Variants in MTMR1 observed in about 807,000 individuals in gnomAD.
MTMR1 encodes the protein myotubularin related protein 1.
In MTMR1, 17 loss-of-function variants were observed where a neutral mutation model predicts 51.6. That is an observed-to-expected ratio of 0.33 (90% confidence interval 0.23 to 0.49). The LOEUF is 0.49. Ranked by LOEUF, MTMR1 falls within the 20% of genes least tolerant of loss-of-function variation. The probability of loss-of-function intolerance (pLI) is 0.99; values close to 1 mark genes in which losing one functional copy is unlikely to be tolerated. For synonymous variants in MTMR1, 201 were observed against 205.6 expected, an observed-to-expected ratio of 0.98 and a Z score of 0.19; for missense variants, 386 against 526.9, an observed-to-expected ratio of 0.73 and a Z score of 2.62.
chrX:150,736,507 C>T lies in MTMR1; in HGVS notation c.1081-88C>T, dbSNP rs1192652445. 4 of 889,982 alleles carry T rather than the reference C, an allele frequency of 4.5e-6. No homozygotes were observed. In the African/African-American group the frequency reaches 6.0e-5, roughly 13 times the overall value. 73.3% of individuals were successfully genotyped at this position (889,982 alleles called of 1,213,427 possible). ...GGTTTATTTGCAGATGAGTTTGTTG[C>T]TTCTTTAGTGGTCTGTATCTCATAG... On this transcript the variant is annotated intron_variant, in intron 10 of 15. Transcript: ENST00000445323.
At chrX:150,718,274 G>T (rs782314630) in intron 3 of MTMR1, among the ~76,000 whole-genome samples, 2 of 112,569 alleles carry the variant, frequency 1.8e-5, no homozygotes, top group African/African-American at 6.5e-5. Flanking sequence ...ATGCTCAGAA[G>T]GTAACCTTTT....
chrX:150,727,104 C>A, intron 4 of MTMR1, 111 bp from the exon 5 acceptor site: 3 of 470,517 alleles, frequency 6.4e-6, no homozygotes, highest in East Asian at 3.6e-5. Flanking sequence ...CTATAAAATA[C>A]AAAATTCCTG....
intron 13 of MTMR1, among the ~76,000 whole-genome samples, chrX:150,744,891 C>T (rs1481471239): frequency 8.9e-6 from 1 of 112,247 alleles, no homozygotes; most frequent in African/African-American, 3.2e-5. Flanking sequence ...GAGCCTCTCC[C>T]ACCCAAGGTC....
intron 12 of MTMR1, among the ~76,000 whole-genome samples, chrX:150,738,091 G>T (rs142915531): frequency 0.018 from 2,001 of 111,152 alleles, 16 homozygotes; most frequent in Middle Eastern, 0.084. Flanking sequence ...AACAAAAACC[G>T]TACTCTTCAC....
At position 150,739,276 on chromosome X, in the gene MTMR1, GT is replaced by G. The variant is rs782221941; in HGVS notation, c.1473+1829del. ...CCCTCCTCTCTGAAATGGGGGCATT[GT>G]GTGGGAGAAATGAGTTTATATGTGT... is the stretch of plus-strand genomic sequence containing the variant. On this transcript the variant is annotated intron_variant, in intron 12 of 15. Transcript: ENST00000445323. Among the ~76,000 whole-genome samples, 509 of 113,008 alleles carry G rather than the reference GT, an allele frequency of 4.5e-3. 4 individuals are homozygous for G. The highest frequency in any genetic ancestry group is 0.015 in the African/African-American group (469 of 31,156).
intron 15 of MTMR1, among the ~76,000 whole-genome samples, chrX:150,758,527 C>G (rs999157840): frequency 1.8e-5 from 2 of 112,118 alleles, no homozygotes; most frequent in Non-Finnish European, 3.8e-5. Context: ...GGCACAGTAA[C>G]TTACGCCTGT....
intron 1 of MTMR1, among the ~76,000 whole-genome samples, chrX:150,696,937 A>G (rs868910773): frequency 4.5e-5 from 5 of 111,646 alleles, no homozygotes; most frequent in Middle Eastern, 4.6e-3. Flanking sequence ...TCCCCCACAG[A>G]AGCCTGTGTT....
At chrX:150,753,518 T>C (rs1557417658) in intron 14 of MTMR1, among the ~76,000 whole-genome samples, 4 of 112,197 alleles carry the variant, frequency 3.6e-5, no homozygotes. Flanking sequence ...TCCTAGTGAG[T>C]GGGAAGTGGT....
At chrX:150,743,387 C>T (rs2042488998) in intron 12 of MTMR1, among the ~76,000 whole-genome samples, 2 of 111,125 alleles carry the variant, frequency 1.8e-5, no homozygotes, top group African/African-American at 3.3e-5. Flanking sequence ...GGTGACAGAG[C>T]GAGGCCCTGT....
chrX:150,737,507 C>G, intron 12 of MTMR1, 59 bp downstream of exon 12: 1 of 1,022,034 alleles, frequency 9.8e-7, no homozygotes, highest in East Asian at 3.1e-5. Context: ...TGGATGTAAA[C>G]GTCATGTGTG....
intron 15 of MTMR1, among the ~76,000 whole-genome samples, chrX:150,756,643 T>C (rs2042911724): frequency 9.0e-6 from 1 of 111,633 alleles, no homozygotes; most frequent in South Asian, 3.8e-4. Flanking sequence ...TGCTGAGACT[T>C]TTTTCTTTTT....
chrX:150,737,168 G>A, intron 11 of MTMR1, 74 bp from the exon 12 acceptor site: 6 of 1,032,270 alleles, frequency 5.8e-6, no homozygotes, highest in Non-Finnish European at 8.0e-6. Flanking sequence ...GCTCTCCCCA[G>A]AATTATTTTA....
intron 15 of MTMR1, among the ~76,000 whole-genome samples, chrX:150,758,432 C>G (rs1040780150): frequency 1.8e-5 from 2 of 112,442 alleles, no homozygotes; most frequent in Non-Finnish European, 3.8e-5. Flanking sequence ...TCCCCACGCC[C>G]TCTGCCACTT....
At chrX:150,742,834 A>AAAAAAAAAG (rs1557417357) in intron 12 of MTMR1, among the ~76,000 whole-genome samples, 6 of 101,885 alleles carry the variant, frequency 5.9e-5, no homozygotes, top group African/African-American at 1.6e-4. Flanking sequence ...AAAAAAAAAA[A>AAAAAAAAAG]AAAGAAAGAA....
chrX:150,731,196 T>A (rs1056471816), intron 8 of MTMR1, among the ~76,000 whole-genome samples: 1 of 112,235 alleles, frequency 8.9e-6, no homozygotes, highest in Non-Finnish European at 1.9e-5. Context: ...TTATAGAAAA[T>A]AGGACAAGAA....
chrX:150,735,859 ATCT>A (rs2042252219), intron 10 of MTMR1: 1 of 149,875 alleles, frequency 6.7e-6, no homozygotes. Context: ...GTACAGAGTG[ATCT>A]TCTCAGTGGA....
chrX:150,714,402 C>A, intron 3 of MTMR1: 1 of 668,568 alleles, frequency 1.5e-6, no homozygotes, highest in Non-Finnish European at 2.1e-6. Context: ...GAAATTCTGT[C>A]CTTTCACCTG....
At chrX:150,755,561 C>T in intron 14 of MTMR1, 128 bp from the exon 15 acceptor site, 1 of 489,458 alleles carries the variant, frequency 2.0e-6, no homozygotes, top group Admixed American at 4.9e-5. Flanking sequence ...GGGCTGGGAC[C>T]TAGTAGACAT....
chrX:150,699,227 A>G lies in MTMR1; in HGVS notation c.179A>G (p.Gln60Arg). 4.2e-6 allele frequency: 5 copies of G among 1,203,876 alleles called. No individual in the cohort carries two copies. The highest frequency in any genetic ancestry group is 5.6e-6 in the Non-Finnish European group (5 of 891,122). ...PTGSHVEWCK[Q>R]LIAATISSQI... ...GGATCACATGTTGAATGGTGTAAAC[A>G]GCTTATAGCTGCTACAATTTCTAGT... The change falls in exon 2 of 16, where the codon CAG (glutamine) becomes CGG (arginine). Residue 60 changes from glutamine to arginine, a missense_variant. Coordinates refer to ENST00000445323, the MANE Select transcript of MTMR1 (RefSeq NM_001306144.3).
Sources: allele counts gnomAD v4.1 joint callset (sites outside exome capture counted in the v4.1 genomes callset), GRCh38; gene constraint gnomAD v4.1.1; transcripts MANE v1.5; gene names NCBI Gene and HGNC (gene_info 2026-07-23, HGNC 2026-07-21).